Variants in TAF1L observed in about 807,000 individuals in gnomAD.
TAF1L encodes transcription initiation factor TFIID subunit 1-like.
A neutral mutation model predicts 128.8 loss-of-function variants in TAF1L; 30 were observed. The ratio of observed to expected loss-of-function variants is 0.23; its 90% confidence interval spans 0.17 to 0.32. TAF1L has a LOEUF of 0.32. Among genes scored for constraint, TAF1L ranks in the 10% least tolerant of loss-of-function variants. TAF1L has a pLI of 1.00. For missense variants in TAF1L, 2,099 were observed against 2,253.7 expected, an observed-to-expected ratio of 0.93 and a Z score of 1.39; for synonymous variants, 764 against 790.7, an observed-to-expected ratio of 0.97 and a Z score of 0.57.
chr9:32,635,569 C>T lies in TAF1L; in HGVS notation c.11G>A (p.Gly4Asp), dbSNP rs1822574384. Residue 4 changes from glycine (G) to aspartate (D), a missense_variant, in exon 1 of 1, where the codon GGC (glycine) becomes GAC (aspartate). By Grantham distance (94) the Gly-to-Asp change is moderately conservative (BLOSUM62 -1). Coordinates refer to ENST00000242310, the MANE Select transcript of TAF1L (RefSeq NM_153809.2). ...TGCTGCCCTCAGCAGCAAATCGCAG[C>T]CGGGTCGCATAAACCGGAAATAAAA... is the stretch of plus-strand genomic sequence containing the variant. MRP[G>D]CDLLLRAAAT... 6.2e-7 allele frequency: 1 copy of T among 1,612,914 alleles called. No individual in the cohort carries two copies. Among genetic ancestry groups the T allele is most frequent in the Admixed American group, 1.7e-5 (1 of 59,956 alleles).
chr9:32,630,379 G>A lies in TAF1L; in HGVS notation c.5201C>T (p.Pro1734Leu). ...DDEEEDGKPK[P>L]PAPEGGDGDL... ...ACCATCTCCCCCTTCTGGGGCTGGA[G>A]GCTTAGGTTTCCCATCCTCCTCCTC... The change falls in exon 1 of 1, where the codon CCT (proline) becomes CTT (leucine). Residue 1734 changes from proline (P) to leucine (L), a missense_variant. Coordinates refer to ENST00000242310, the MANE Select transcript of TAF1L (RefSeq NM_153809.2). 7.4e-6 allele frequency: 12 copies of A among 1,614,192 alleles called. No homozygotes were observed. Among genetic ancestry groups the A allele is most frequent in the Non-Finnish European group, 8.5e-6 (10 of 1,180,034 alleles).
rs1185132155 is a variant in TAF1L, at chr9:32,635,540, T to C, written c.40A>G (p.Thr14Ala). ...TCTGACATGATGGCGGCAGTGACGG[T>C]AGCTGCTGCCCTCAGCAGCAAATCG... ...GCDLLLRAAA[T>A]VTAAIMSDSD... The change falls in exon 1 of 1, where the codon ACC (threonine) becomes GCC (alanine). Residue 14 changes from threonine (T) to alanine (A), a missense_variant. Thr to Ala is a moderately conservative substitution (Grantham distance 58, BLOSUM62 0). Transcript: ENST00000242310. 6.8e-6 allele frequency: 11 copies of C among 1,614,060 alleles called. No individual in the cohort carries two copies. The East Asian group carries it at 1.3e-4, about 20-fold the overall frequency.
chr9:32,631,652 T>C lies in TAF1L; in HGVS notation c.3928A>G (p.Lys1310Glu). 6.2e-7 allele frequency: 1 copy of C among 1,614,228 alleles called. No individual in the cohort carries two copies. Among genetic ancestry groups the C allele is most frequent in the Middle Eastern group, 1.6e-4 (1 of 6,062 alleles). Residue 1310 changes from lysine to glutamate, a missense_variant, in exon 1 of 1, where the codon AAA (lysine) becomes GAA (glutamate). Around this residue, in one of 4 missense-constraint regions of TAF1L, gnomAD observed 1,213 missense variants for 1,391.4 expected, o/e 0.87. Coordinates refer to ENST00000242310, the MANE Select transcript of TAF1L (RefSeq NM_153809.2). The surrounding 1 kb of genome is among the most constrained non-coding windows in gnomAD (Gnocchi z 4.1). ...LYYQTNVPPS[K>E]PVAMTEEQEE... ...TGCTCTTCTGTCATGGCAACAGGTT[T>C]CGAAGGTGGCACATTTGTTTGATAA... is the stretch of plus-strand genomic sequence containing the variant.
Position 32,635,525 on chromosome 9 carries a change from T to C in TAF1L, c.55A>G (p.Ile19Val), listed in dbSNP as rs749610126. Residue 19 changes from isoleucine to valine, a missense_variant, in exon 1 of 1, where the codon ATC becomes GTC. Physicochemically the swap from Ile to Val is conservative, Grantham distance 29 (BLOSUM62 3). Transcript: ENST00000242310. Reference sequence around the variant, plus strand: ...TCCTCGCTGTCCGAGTCTGACATGATGGCGGCAGTGACGGTAGCTGCTGCC... The same window carrying C: ...TCCTCGCTGTCCGAGTCTGACATGACGGCGGCAGTGACGGTAGCTGCTGCC... ...LRAAATVTAA[I>V]MSDSDSEEDS... 5.6e-6 allele frequency: 9 copies of C among 1,613,990 alleles called. No individual in the cohort carries two copies. Among genetic ancestry groups the C allele is most frequent in the African/African-American group, 1.3e-5 (1 of 74,888 alleles).
Position 32,629,826 on chromosome 9 carries a change from T to G in TAF1L, c.*273A>C. ...GGCGTGCACCACCACACCTGGCTAATTTTTGTATTTTTAGTAGAGATGAAG... is the reference window on the plus strand; with the variant it reads ...GGCGTGCACCACCACACCTGGCTAAGTTTTGTATTTTTAGTAGAGATGAAG... On this transcript the variant is annotated 3_prime_UTR_variant, in exon 1 of 1. Coordinates refer to ENST00000242310, the MANE Select transcript of TAF1L (RefSeq NM_153809.2). 2 of 585,368 alleles carry G rather than the reference T, an allele frequency of 3.4e-6. No homozygotes were observed. Among genetic ancestry groups the G allele is most frequent in the East Asian group, 3.1e-5 (1 of 32,048 alleles). The allele number at this position is 585,368 out of a possible 1,614,324, so 36.3% of individuals were successfully genotyped here.
At position 32,630,050 on chromosome 9, in the gene TAF1L, A is replaced by G. The variant is rs1296924055; in HGVS notation, c.*49T>C. On this transcript the variant is annotated 3_prime_UTR_variant, in exon 1 of 1. Coordinates refer to ENST00000242310, the MANE Select transcript of TAF1L (RefSeq NM_153809.2). ...CATAACTGATGTTGCTATCCTCCAA[A>G]TCATGGGAAGCCTCCCCACCGTCTC... 2 of 1,607,986 alleles carry G rather than the reference A, an allele frequency of 1.2e-6. No individual in the cohort carries two copies. Among genetic ancestry groups the G allele is most frequent in the Non-Finnish European group, 1.7e-6 (2 of 1,177,058 alleles).
At position 32,635,310 on chromosome 9, in the gene TAF1L, G is replaced by A. The variant is rs114551428; in HGVS notation, c.270C>T (p.Gly90=). Reference sequence around the variant, plus strand: ...ACCCTTCATCATTTACCAAGGCACCGCCAGTCCCAGTCAATTCTTCATTTG... The same window carrying A: ...ACCCTTCATCATTTACCAAGGCACCACCAGTCCCAGTCAATTCTTCATTTG... ...LTANEELTGT[G]GALVNDEGWI... The change falls in exon 1 of 1, where the codon GGC becomes GGT. Residue 90 remains glycine, a synonymous_variant. Transcript: ENST00000242310. The A allele has an allele frequency of 2.7e-5, 44 of 1,613,908 alleles. No individual in the cohort carries two copies. The highest frequency in any genetic ancestry group is 1.3e-4 in the East Asian group (6 of 44,886).
In TAF1L at chr9:32,632,089, T is replaced by G; in HGVS notation, c.3491A>C (p.His1164Pro). Residue 1164 changes from histidine to proline, a missense_variant, in exon 1 of 1, where the codon CAC becomes CCC. Physicochemically the swap from His to Pro is moderately conservative, Grantham distance 77 (BLOSUM62 -2). This residue lies in a region of TAF1L where 1,213 missense variants were observed against 1,391.4 expected (regional missense o/e 0.87). Transcript: ENST00000242310. The surrounding 1 kb of genome is among the most constrained non-coding windows in gnomAD (Gnocchi z 4.4). Reference protein sequence around the residue: ...VAGSAASGNNHRDDVTASMTS... With the variant: ...VAGSAASGNNPRDDVTASMTS... ...CATGGAAGCTGTGACATCATCTCTGTGATTGTTTCCTGATGCTGCTGAGCC... is the reference window on the plus strand; with the variant it reads ...CATGGAAGCTGTGACATCATCTCTGGGATTGTTTCCTGATGCTGCTGAGCC... 6.2e-7 allele frequency: 1 copy of G among 1,614,162 alleles called. No homozygotes were observed. Among genetic ancestry groups the G allele is most frequent in the South Asian group, 1.1e-5 (1 of 91,078 alleles).
Position 32,634,299 on chromosome 9 carries a change from C to G in TAF1L, c.1281G>C (p.Leu427=). The G allele has an allele frequency of 1.2e-6, 2 of 1,614,228 alleles. No individual in the cohort carries two copies. The highest frequency in any genetic ancestry group is 1.7e-6 in the Non-Finnish European group (2 of 1,180,046). The part of the protein sequence containing the change: ...ADENFLMVTQ[L]HWEDSIIWDG... ...CCCAGATGATAGAATCCTCCCAATG[C>G]AGCTGTGTCACCATCAGGAAGTTTT... The change falls in exon 1 of 1, where the codon CTG becomes CTC. Residue 427 remains leucine (L), a synonymous_variant. Coordinates refer to ENST00000242310, the MANE Select transcript of TAF1L (RefSeq NM_153809.2).
Position 32,635,215 on chromosome 9 carries a change from C to A in TAF1L, c.365G>T (p.Arg122Ile), listed in dbSNP as rs766665048. 1 of 1,614,186 alleles carries A rather than the reference C, an allele frequency of 6.2e-7. No individual in the cohort carries two copies. The highest frequency in any genetic ancestry group is 2.2e-5 in the East Asian group (1 of 44,880). ...CAAGCTCCCCATCGTCTGCTGGTGT[C>A]TTTGGCTTTCATCTTCTGCCACCTC... The part of the protein sequence containing the change: ...INEVAEDESQ[R>I]HQQTMGSLQP... The change falls in exon 1 of 1, where the codon AGA becomes ATA. Residue 122 changes from arginine to isoleucine, a missense_variant. Transcript: ENST00000242310.
At position 32,631,930 on chromosome 9, in the gene TAF1L, C is replaced by T. The variant is rs147664591; in HGVS notation, c.3650G>A (p.Arg1217Gln). ...PAVIDAYVRIRTTKDEKFIQK... is the reference protein window; with the variant it reads ...PAVIDAYVRIQTTKDEKFIQK... ...AATGAATTTCTCATCTTTTGTAGTC[C>T]GTATGCGCACATAGGCATCAATGAC... is the stretch of plus-strand genomic sequence containing the variant. The change falls in exon 1 of 1, where the codon CGG becomes CAG. Residue 1217 changes from arginine (R) to glutamine (Q), a missense_variant. Around this residue, in one of 4 missense-constraint regions of TAF1L, gnomAD observed 1,213 missense variants for 1,391.4 expected, o/e 0.87. Coordinates refer to ENST00000242310, the MANE Select transcript of TAF1L (RefSeq NM_153809.2). The surrounding 1 kb of genome is among the most constrained non-coding windows in gnomAD (Gnocchi z 4.1). 25 of 1,614,030 alleles carry T rather than the reference C, an allele frequency of 1.5e-5. No individual in the cohort carries two copies. The highest frequency in any genetic ancestry group is 2.7e-5 in the African/African-American group (2 of 74,908).
Position 32,632,015 on chromosome 9 carries a change from T to G in TAF1L, c.3565A>C (p.Thr1189Pro). The change falls in exon 1 of 1, where the codon ACA (threonine) becomes CCA (proline). Residue 1189 changes from threonine to proline, a missense_variant. Physicochemically the swap from Thr to Pro is conservative, Grantham distance 38. This residue lies in a region of TAF1L where 1,213 missense variants were observed against 1,391.4 expected (regional missense o/e 0.87). Transcript: ENST00000242310. The surrounding 1 kb of genome is among the most constrained non-coding windows in gnomAD (Gnocchi z 4.4). Reference sequence around the variant, plus strand: ...TCTTTCCCCTCTTCATCTCGAAATGTGCGATAAATCTTGAGACAGTGTCCA... The same window carrying G: ...TCTTTCCCCTCTTCATCTCGAAATGGGCGATAAATCTTGAGACAGTGTCCA... The part of the protein sequence containing the change: ...ATGHCLKIYR[T>P]FRDEEGKEYV... The G allele has an allele frequency of 6.2e-7, 1 of 1,614,162 alleles. No homozygotes were observed. Among genetic ancestry groups the G allele is most frequent in the Non-Finnish European group, 8.5e-7 (1 of 1,180,024 alleles).
Position 32,629,697 on chromosome 9 carries a change from G to C in TAF1L, c.*402C>G. 3.9e-6 allele frequency: 1 copy of C among 256,338 alleles called. No homozygotes were observed. Among genetic ancestry groups the C allele is most frequent in the South Asian group, 6.9e-5 (1 of 14,458 alleles). The allele number at this position is 256,338 out of a possible 1,614,324, so 15.9% of individuals were successfully genotyped here. ...TTTTGAGATGGAGTCTCACTCTTTC[G>C]CCCAGGCTGGAGCGCAGTGGCGTGA... is the stretch of plus-strand genomic sequence containing the variant. On this transcript the variant is annotated 3_prime_UTR_variant, in exon 1 of 1. Coordinates refer to ENST00000242310, the MANE Select transcript of TAF1L (RefSeq NM_153809.2).
rs1348581421 is a variant in TAF1L, at chr9:32,632,657, G to A, written c.2923C>T (p.Pro975Ser). ...GAGAATCCTTCACCACACCCTGTGG[G>A]ATCTGCCACCCCAGTCACCTCTAGG... is the stretch of plus-strand genomic sequence containing the variant. Reference protein sequence around the residue: ...CLLEVTGVADPTGCGEGFSYV... With the variant: ...CLLEVTGVADSTGCGEGFSYV... Residue 975 changes from proline to serine, a missense_variant, in exon 1 of 1, where the codon CCC (proline) becomes TCC (serine). Physicochemically the swap from Pro to Ser is moderately conservative, Grantham distance 74. Around this residue, in one of 4 missense-constraint regions of TAF1L, gnomAD observed 1,213 missense variants for 1,391.4 expected, o/e 0.87. Transcript: ENST00000242310. The surrounding 1 kb of genome is among the most constrained non-coding windows in gnomAD (Gnocchi z 4.4). 1.2e-6 allele frequency: 2 copies of A among 1,614,158 alleles called. No individual in the cohort carries two copies. The highest frequency in any genetic ancestry group is 2.2e-5 in the South Asian group (2 of 91,078).
In TAF1L at chr9:32,634,384, C is replaced by A. The variant is rs778547702; in HGVS notation, c.1196G>T (p.Arg399Ile). Residue 399 changes from arginine to isoleucine, a missense_variant, in exon 1 of 1, where the codon AGA (arginine) becomes ATA (isoleucine). Coordinates refer to ENST00000242310, the MANE Select transcript of TAF1L (RefSeq NM_153809.2). ...AAGTTTCCTAAATTCCTCCATCATT[C>A]TAGATTTTATCACAGGTTCATGTTG... The part of the protein sequence containing the change: ...KTQHEPVIKS[R>I]MMEEFRKLEE... 3.1e-6 allele frequency: 5 copies of A among 1,614,212 alleles called. No homozygotes were observed. The Admixed American group carries it at 5.0e-5, about 16-fold the overall frequency.
rs1186314502 is a variant in TAF1L at position 32,632,055 on chromosome 9, A to C, written c.3525T>G (p.Leu1175=). 6.2e-7 allele frequency: 1 copy of C among 1,614,158 alleles called. No individual in the cohort carries two copies. The highest frequency in any genetic ancestry group is 2.2e-5 in the East Asian group (1 of 44,880). Residue 1175 remains leucine, a synonymous_variant, in exon 1 of 1, where the codon CTT becomes CTG. Coordinates refer to ENST00000242310, the MANE Select transcript of TAF1L (RefSeq NM_153809.2). This position sits in a 1 kb window ranked among gnomAD's most constrained non-coding sequence, Gnocchi z 4.4. The part of the protein sequence containing the change: ...RDDVTASMTS[L]KSSATGHCLK... ...GACAGTGTCCAGTGGCAGAAGACTT[A>C]AGGCTAGTCATGGAAGCTGTGACAT...
Position 32,634,206 on chromosome 9 carries a change from A to G in TAF1L, c.1374T>C (p.Ser458=), listed in dbSNP as rs769374262. The part of the protein sequence containing the change: ...QGASLAGWLP[S]IKTRNVMAYN... ...AAGCCATTACATTCCTAGTCTTAAT[A>G]GAAGGAAGCCAGCCTGCCAGGCTTG... Residue 458 remains serine (S), a synonymous_variant, in exon 1 of 1, where the codon TCT becomes TCC. Transcript: ENST00000242310. 1.3e-4 allele frequency: 211 copies of G among 1,614,072 alleles called. No homozygotes were observed. The highest frequency in any genetic ancestry group is 2.2e-4 in the Admixed American group (13 of 60,008).
chr9:32,629,959 A>T lies in TAF1L; in HGVS notation c.*140T>A. 1 of 1,509,548 alleles carries T rather than the reference A, an allele frequency of 6.6e-7. No homozygotes were observed. The highest frequency in any genetic ancestry group is 8.9e-7 in the Non-Finnish European group (1 of 1,122,310). The allele number at this position is 1,509,548 out of a possible 1,614,324, so 93.5% of individuals were successfully genotyped here. On this transcript the variant is annotated 3_prime_UTR_variant, in exon 1 of 1. Transcript: ENST00000242310. ...GTGTGAGCCACCATGCCCAGCTGGA[A>T]ATTTCCGATGCTGCTGAAGCTTGTG... is the stretch of plus-strand genomic sequence containing the variant.
Position 32,630,226 on chromosome 9 carries a change from G to A in TAF1L, c.5354C>T (p.Pro1785Leu), listed in dbSNP as rs764448670. ...TTCACTCAGCTGGATAGCAGAGAAA[G>A]GATTGTCTCCTTCTTCGTCACTCCC... Reference protein sequence around the residue: ...DAGSDEEGDNPFSAIQLSESG... With the variant: ...DAGSDEEGDNLFSAIQLSESG... Residue 1785 changes from proline to leucine, a missense_variant, in exon 1 of 1, where the codon CCT becomes CTT. Physicochemically the swap from Pro to Leu is moderately conservative, Grantham distance 98 (BLOSUM62 -3). Transcript: ENST00000242310. 6.2e-7 allele frequency: 1 copy of A among 1,614,168 alleles called. No homozygotes were observed. The highest frequency in any genetic ancestry group is 1.7e-5 in the Admixed American group (1 of 60,020).
Sources: gnomAD v4.1 joint callset for allele counts on GRCh38, gnomAD v4.1.1 for gene constraint, gnomAD v4.1.1 regional missense constraint, Gnocchi (gnomAD v3.1) non-coding constraint, MANE v1.5 for transcripts, NCBI Gene and HGNC (gene_info 2026-07-23, HGNC 2026-07-21) for gene names.